RASGRF2: variants seen among roughly 807,000 people sequenced by gnomAD.
RASGRF2 encodes ras-specific guanine nucleotide-releasing factor 2.
Under a neutral mutation model 151.0 loss-of-function variants are expected in RASGRF2, and 76 were observed. The observed-to-expected ratio is 0.50, with a 90% CI of 0.42 to 0.61. The LOEUF is 0.61. Among genes scored for constraint, RASGRF2 ranks in the 20% least tolerant of loss-of-function variants. RASGRF2 has a pLI of 0.00. For synonymous variants in RASGRF2, 504 were observed against 566.5 expected, an observed-to-expected ratio of 0.89 and a Z score of 1.57; for missense variants, 1,148 against 1,564.6, an observed-to-expected ratio of 0.73 and a Z score of 4.49.
chr5:81,100,099 A>G (rs1752659096), intron 12 of RASGRF2, among the ~76,000 whole-genome samples: 2 of 151,736 alleles, frequency 1.3e-5, no homozygotes, highest in South Asian at 2.1e-4. Flanking sequence ...AGTAGAGACG[A>G]GGTTTCACCG....
At chr5:81,115,481 G>A (rs1753125691) in intron 15 of RASGRF2, among the ~76,000 whole-genome samples, 1 of 152,154 alleles carries the variant, frequency 6.6e-6, no homozygotes. Context: ...ACTGGAATGG[G>A]GCATGGGGGT....
chr5:81,134,109 T>A (rs1331517048), intron 17 of RASGRF2, among the ~76,000 whole-genome samples: 2 of 150,800 alleles, frequency 1.3e-5, no homozygotes, highest in Non-Finnish European at 3.0e-5. Context: ...TGTGTGTGTG[T>A]GAGTGAATAT....
intron 18 of RASGRF2, among the ~76,000 whole-genome samples, chr5:81,192,541 G>A (rs1345089954): frequency 1.3e-5 from 2 of 152,226 alleles, no homozygotes; most frequent in South Asian, 2.1e-4. Flanking sequence ...AGGTGGCGCC[G>A]ACGCAGGCAG....
intron 2 of RASGRF2, among the ~76,000 whole-genome samples, chr5:81,056,250 C>T (rs2112425562): frequency 6.6e-6 from 1 of 152,248 alleles, no homozygotes; most frequent in South Asian, 2.1e-4. Context: ...TTCCTGCTTT[C>T]TCTTGTGGGC....
At chr5:81,014,403 G>A (rs1749564454) in intron 1 of RASGRF2, among the ~76,000 whole-genome samples, 1 of 152,146 alleles carries the variant, frequency 6.6e-6, no homozygotes, top group African/African-American at 2.4e-5. Flanking sequence ...ATGGTGGCAG[G>A]CAAAAGATGA....
At chr5:81,030,869 G>A (rs2112360646) in intron 1 of RASGRF2, among the ~76,000 whole-genome samples, 1 of 152,282 alleles carries the variant, frequency 6.6e-6, no homozygotes, top group East Asian at 1.9e-4. Flanking sequence ...TGGATAAAGA[G>A]TCAAGACCCA....
rs375800409 is a variant in RASGRF2, at chr5:81,226,311, A to G, written c.*541A>G. 4.6e-5 allele frequency: 7 copies of G among 152,454 alleles called. No homozygotes were observed. The East Asian group carries it at 1.2e-3, about 25-fold the overall frequency. 9.4% of individuals were successfully genotyped at this position (152,454 alleles called of 1,614,324 possible). The stretch of plus-strand genomic sequence containing the variant: ...ACAGCATGTGCATGGTTGTCAGTGC[A>G]TTCTAAATATTTCTATGTGAGGAAT... On this transcript the variant is annotated 3_prime_UTR_variant, in exon 27 of 27. Transcript: ENST00000265080.
At chr5:80,972,925 T>A (rs918021083) in intron 1 of RASGRF2, among the ~76,000 whole-genome samples, 1 of 152,230 alleles carries the variant, frequency 6.6e-6, no homozygotes, top group African/African-American at 2.4e-5. Context: ...TAATTTCATA[T>A]TGTTTATCCT....
At chr5:81,172,161 A>G (rs911180794) in intron 17 of RASGRF2, among the ~76,000 whole-genome samples, 19 of 152,132 alleles carry the variant, frequency 1.2e-4, no homozygotes, top group Non-Finnish European at 2.2e-4. Context: ...AAAACAAGGA[A>G]TATGTTTTTA....
At chr5:81,130,309 T>A (rs1753583051) in intron 17 of RASGRF2, among the ~76,000 whole-genome samples, 1 of 152,178 alleles carries the variant, frequency 6.6e-6, no homozygotes, top group Non-Finnish European at 1.5e-5. Flanking sequence ...AGCCACATGA[T>A]TTGATTTCAG....
chr5:81,050,137 C>T (rs572199523), intron 2 of RASGRF2, among the ~76,000 whole-genome samples: 2 of 152,184 alleles, frequency 1.3e-5, no homozygotes, highest in South Asian at 2.1e-4. Flanking sequence ...CACTGGTCTG[C>T]GTTTCTCCAC....
chr5:81,120,812 T>A (rs1699301818), intron 15 of RASGRF2, among the ~76,000 whole-genome samples: 2 of 152,236 alleles, frequency 1.3e-5, no homozygotes, highest in South Asian at 4.1e-4. Context: ...AGGCTAGGAA[T>A]AGATTGGTTG....
intron 17 of RASGRF2, among the ~76,000 whole-genome samples, chr5:81,176,201 AC>A (rs1459011923): frequency 6.6e-6 from 1 of 152,172 alleles, no homozygotes; most frequent in Non-Finnish European, 1.5e-5. Context: ...TCTGCTGCAA[AC>A]CACCACCTAA....
chr5:80,995,255 C>A (rs1485434486), intron 1 of RASGRF2, among the ~76,000 whole-genome samples: 207 of 118,016 alleles, frequency 1.8e-3, no homozygotes, highest in South Asian at 1.7e-3. Context: ...GACTCCGTCT[C>A]AAAAAAAAAA....
chr5:81,147,430 C>T (rs1754031562), intron 17 of RASGRF2, among the ~76,000 whole-genome samples: 1 of 152,150 alleles, frequency 6.6e-6, no homozygotes, highest in Non-Finnish European at 1.5e-5. Context: ...ATTAATATTT[C>T]CAAGATTTCT....
chr5:81,217,571 C>CT (rs1561265129), intron 25 of RASGRF2, 98 bp downstream of exon 25: 11 of 360,988 alleles, frequency 3.0e-5, no homozygotes, highest in African/African-American at 6.0e-5. Flanking sequence ...TTTTTTTTCT[C>CT]TTCTTTTTTT....
At chr5:80,984,364 G>C (rs1164201884) in intron 1 of RASGRF2, among the ~76,000 whole-genome samples, 2 of 152,138 alleles carry the variant, frequency 1.3e-5, no homozygotes, top group Admixed American at 6.6e-5. Flanking sequence ...CGTGTTTCTT[G>C]TGGTACAAGT....
intron 1 of RASGRF2, among the ~76,000 whole-genome samples, chr5:80,995,447 T>C (rs546481284): frequency 6.6e-6 from 1 of 151,436 alleles, no homozygotes; most frequent in East Asian, 1.9e-4. Context: ...AGATACATGA[T>C]ATTCATATTT....
rs188086940 is a variant in RASGRF2 at position 81,008,213 on chromosome 5, C to T, written c.289-34664C>T. 4.5e-4 allele frequency among the ~76,000 whole-genome samples: 58 copies of T among 128,612 alleles called. No individual in the cohort carries two copies. In the East Asian group the frequency reaches 8.3e-3, roughly 18 times the overall value. The allele number at this position is 128,612 out of a possible 152,430, so 84.4% of individuals were successfully genotyped here. ...TCGCCCAGGCTGGAGTGCAGTGGCA[C>T]AATCTCGGCTCACTGCAACCTCCTC... On this transcript the variant is annotated intron_variant, in intron 1 of 26. Transcript: ENST00000265080.
Sources: allele counts gnomAD v4.1 joint callset (sites outside exome capture counted in the v4.1 genomes callset), GRCh38; gene constraint gnomAD v4.1.1; transcripts MANE v1.5; gene names NCBI Gene and HGNC (gene_info 2026-07-23, HGNC 2026-07-21).